Variants in LPP observed in about 807,000 individuals in gnomAD.
LPP encodes LIM domain containing preferred translocation partner in lipoma, also known as lipoma-preferred partner.
In LPP, 38 loss-of-function variants were observed where a neutral mutation model predicts 60.4. That is an observed-to-expected ratio of 0.63 (90% CI 0.49 to 0.83). The LOEUF is 0.83. Ranked by LOEUF, LPP falls within the 40% of genes least tolerant of loss-of-function variation. The pLI is 0.00. For synonymous variants in LPP, 328 were observed against 290.8 expected (o/e 1.13, Z -1.30); for missense variants, 902 against 783.6 (o/e 1.15, Z -1.80).
chr3:188,578,600 A>G (rs1835317434), intron 6 of LPP, among the ~76,000 whole-genome samples: 1 of 148,850 alleles, frequency 6.7e-6, no homozygotes. Flanking sequence ...CTTTAAGGAA[A>G]CTAACTTTAG....
At chr3:188,349,778 C>T (rs1275022407) in intron 3 of LPP, among the ~76,000 whole-genome samples, 1 of 152,174 alleles carries the variant, frequency 6.6e-6, no homozygotes, top group East Asian at 1.9e-4. Context: ...AGCACTGAGA[C>T]CTGTTTGCTC....
intron 4 of LPP, among the ~76,000 whole-genome samples, chr3:188,478,593 A>G (rs1180369579): frequency 1.3e-5 from 2 of 152,040 alleles, no homozygotes; most frequent in African/African-American, 2.4e-5. Flanking sequence ...TCCTCATTTC[A>G]TAGGTGAGGA....
chr3:188,162,389 G>GCAAATGAGC (rs1196434718), intron 1 of LPP, among the ~76,000 whole-genome samples: 1 of 152,176 alleles, frequency 6.6e-6, no homozygotes, highest in Non-Finnish European at 1.5e-5. Context: ...AATGAGCATA[G>GCAAATGAGC]TTGATGTGAA....
At chr3:188,309,067 G>A (rs1180978687) in intron 2 of LPP, among the ~76,000 whole-genome samples, 2 of 109,192 alleles carry the variant, frequency 1.8e-5, no homozygotes, top group African/African-American at 7.3e-5. Flanking sequence ...TGTTGCCCAG[G>A]CTGGAGTGTA....
chr3:188,825,694 C>CT (rs1200318410), intron 9 of LPP, among the ~76,000 whole-genome samples: 3 of 152,012 alleles, frequency 2.0e-5, no homozygotes, highest in African/African-American at 7.2e-5. Flanking sequence ...CTTTGCAAAC[C>CT]TTTACCATGG....
chr3:188,210,613 T>C (rs1182518152), intron 1 of LPP, among the ~76,000 whole-genome samples: 2 of 152,166 alleles, frequency 1.3e-5, no homozygotes, highest in African/African-American at 2.4e-5. Context: ...CTGAAGGGTC[T>C]CTCTCTATGT....
chr3:188,162,108 G>A (rs1374751780), intron 1 of LPP, among the ~76,000 whole-genome samples: 18 of 152,146 alleles, frequency 1.2e-4, no homozygotes, highest in Admixed American at 1.0e-3. Flanking sequence ...TATTGAACCT[G>A]CCCATCACAA....
At chr3:188,191,342 C>G (rs1728126219) in intron 1 of LPP, among the ~76,000 whole-genome samples, 1 of 152,202 alleles carries the variant, frequency 6.6e-6, no homozygotes, top group Non-Finnish European at 1.5e-5. Flanking sequence ...ATTTGCTACG[C>G]TTTGTGTGCT....
At chr3:188,620,420 A>G (rs1029962367) in intron 7 of LPP, among the ~76,000 whole-genome samples, 2 of 152,150 alleles carry the variant, frequency 1.3e-5, no homozygotes, top group African/African-American at 2.4e-5. Flanking sequence ...AATACTATAT[A>G]TAGTCTTTTG....
chr3:188,456,484 A>C (rs1460482237), intron 4 of LPP, among the ~76,000 whole-genome samples: 1 of 152,232 alleles, frequency 6.6e-6, no homozygotes, highest in South Asian at 2.1e-4. Flanking sequence ...CATTTGATAA[A>C]GATATCAGCA....
rs116281242 is a variant in LPP, at chr3:188,760,124, C to T, written c.1252C>T (p.Arg418Cys). 6.4e-5 allele frequency: 103 copies of T among 1,613,946 alleles called. No homozygotes were observed. The highest frequency in any genetic ancestry group is 4.3e-4 in the South Asian group (39 of 91,054). ...PADEYFGRCA[R>C]CGENVVGEGT... The stretch of plus-strand genomic sequence containing the variant: ...CCTTTTTTTTCCAGGCCGCTGTGCT[C>T]GCTGTGGAGAAAACGTAGTTGGGGA... Residue 418 changes from arginine (R) to cysteine (C), a missense_variant, in exon 9 of 12, where the codon CGC (arginine) becomes TGC (cysteine). By Grantham distance (180) the Arg-to-Cys change is radical (BLOSUM62 -3). Coordinates refer to ENST00000617246, the MANE Select transcript of LPP (RefSeq NM_001375462.1).
At chr3:188,602,951 G>C (rs1318044550) in intron 6 of LPP, among the ~76,000 whole-genome samples, 3 of 150,950 alleles carry the variant, frequency 2.0e-5, no homozygotes, top group African/African-American at 7.3e-5. Flanking sequence ...ACTTCAACTG[G>C]GAATTGTAAA....
intron 4 of LPP, among the ~76,000 whole-genome samples, chr3:188,409,629 G>A (rs1192323252): frequency 1.3e-5 from 2 of 152,084 alleles, no homozygotes; most frequent in Non-Finnish European, 2.9e-5. Context: ...GGTAGCACAG[G>A]TTTTATTTCC....
At chr3:188,729,500 G>T (rs2150011164) in intron 8 of LPP, among the ~76,000 whole-genome samples, 1 of 152,314 alleles carries the variant, frequency 6.6e-6, no homozygotes, top group East Asian at 1.9e-4. Context: ...GAATAATGGG[G>T]CTGGAAATTT....
chr3:188,816,882 T>C (rs985437578), intron 9 of LPP, among the ~76,000 whole-genome samples: 3 of 152,210 alleles, frequency 2.0e-5, no homozygotes, highest in Non-Finnish European at 2.9e-5. Context: ...ACAAGAAATA[T>C]TGCAATGATC....
intron 5 of LPP, among the ~76,000 whole-genome samples, chr3:188,489,005 AG>A (rs1184452110): frequency 6.6e-5 from 10 of 152,180 alleles, no homozygotes; most frequent in African/African-American, 2.2e-4. Flanking sequence ...GCCATAGGCA[AG>A]TATTAGTATT....
At chr3:188,696,016 T>C (rs1182393081) in intron 7 of LPP, among the ~76,000 whole-genome samples, 1 of 152,236 alleles carries the variant, frequency 6.6e-6, no homozygotes. Context: ...ACTTGGTTTC[T>C]ACAGAAAGAA....
chr3:188,645,466 G>T lies in LPP; in HGVS notation c.1113+35622G>T, dbSNP rs114901019. On this transcript the variant is annotated intron_variant, in intron 7 of 11. Coordinates refer to ENST00000617246, the MANE Select transcript of LPP (RefSeq NM_001375462.1). ...AGCATCTGAAGCATCTGTATTCGGGGTCCTGTCCTCATCCCTGTTAAGAAA... is the reference window on the plus strand; with the variant it reads ...AGCATCTGAAGCATCTGTATTCGGGTTCCTGTCCTCATCCCTGTTAAGAAA... 4.8e-3 allele frequency among the ~76,000 whole-genome samples: 735 copies of T among 152,182 alleles called. 3 individuals are homozygous for T. The highest frequency in any genetic ancestry group is 0.016 in the African/African-American group (679 of 41,522).
chr3:188,193,163 T>C (rs1446870811), intron 1 of LPP, among the ~76,000 whole-genome samples: 1 of 152,204 alleles, frequency 6.6e-6, no homozygotes, highest in African/African-American at 2.4e-5. Flanking sequence ...ATGTGCTGAT[T>C]ATGCTGAAGA....
Sources: gnomAD v4.1 joint callset for allele counts (sites outside exome capture counted in the v4.1 genomes callset) on GRCh38, gnomAD v4.1.1 for gene constraint, MANE v1.5 for transcripts, NCBI Gene and HGNC (gene_info 2026-07-23, HGNC 2026-07-21) for gene names.